The following CACNA1G variants were observed in gnomAD, a reference collection of about 807,000 sequenced individuals.
CACNA1G encodes the protein calcium voltage-gated channel subunit alpha1 G.
A neutral mutation model predicts 219.4 loss-of-function variants in CACNA1G; 67 were observed. That is an observed-to-expected ratio of 0.31 (90% confidence interval 0.25 to 0.37). The LOEUF (loss-of-function observed/expected upper bound fraction) is 0.37, where lower values mean the gene tolerates loss of function less well. Ranked by LOEUF, CACNA1G falls within the 10% of genes least tolerant of loss-of-function variation. The probability of loss-of-function intolerance (pLI) is 1.00; values close to 1 mark genes in which losing one functional copy is unlikely to be tolerated. For synonymous variants in CACNA1G, 1,296 were observed against 1,345.3 expected (o/e 0.96, Z 0.80); for missense variants, 2,380 against 3,231.4 (o/e 0.74, Z 6.39).
intron 36 of CACNA1G, 37 bp from the exon 37 acceptor site, chr17:50,624,323 C>G: frequency 3.6e-6 from 5 of 1,400,530 alleles, no homozygotes; most frequent in Non-Finnish European, 4.9e-6. Flanking sequence ...GCTCCATTCT[C>G]TCCCCCCACC....
At chr17:50,590,643 T>A in intron 10 of CACNA1G, 21 bp downstream of exon 10, 1 of 1,597,494 alleles carries the variant, frequency 6.3e-7, no homozygotes, top group East Asian at 2.3e-5. Flanking sequence ...CCCCCGGCAC[T>A]GACTCTCAGT....
At chr17:50,587,430 C>T (rs75389336) in intron 9 of CACNA1G, among the ~76,000 whole-genome samples, 7,506 of 152,252 alleles carry the variant, frequency 0.049, 263 homozygotes, top group African/African-American at 0.084. Context: ...CCTTTTCAGC[C>T]GTAATTACAG....
In CACNA1G at chr17:50,596,252, C is replaced by T. The variant is rs2045519538; in HGVS notation, c.2980-310C>T. On this transcript the variant is annotated intron_variant, in intron 14 of 37. Coordinates refer to ENST00000359106, the MANE Select transcript of CACNA1G (RefSeq NM_018896.5). This position sits in a 1 kb window ranked among gnomAD's most constrained non-coding sequence, Gnocchi z 4.8. ...CCCAGCCCCCTCTGGCCTGTGCCAC[C>T]TGCCACCTAGCTACCCCTTCTCTCC... Among the ~76,000 whole-genome samples the T allele has an allele frequency of 6.6e-6, 1 of 152,210 alleles. No individual in the cohort carries two copies. The highest frequency in any genetic ancestry group is 1.5e-5 in the Non-Finnish European group (1 of 68,030).
At position 50,615,344 on chromosome 17, in the gene CACNA1G, T is replaced by C; in HGVS notation, c.4760-17T>C. ...AGGGGCCTGACGCTTGCTCTGCTCT[T>C]CCCCCTGCCCCATCAGAAGCCCAGT... On this transcript the variant is annotated splice_polypyrimidine_tract_variant and intron_variant, in intron 26 of 37. Coordinates refer to ENST00000359106, the MANE Select transcript of CACNA1G (RefSeq NM_018896.5). The C allele has an allele frequency of 6.4e-7, 1 of 1,568,758 alleles. No homozygotes were observed. Among genetic ancestry groups the C allele is most frequent in the Non-Finnish European group, 8.7e-7 (1 of 1,149,554 alleles).
At chr17:50,602,759 C>T in intron 19 of CACNA1G, 61 bp from the exon 20 acceptor site, 1 of 1,493,840 alleles carries the variant, frequency 6.7e-7, no homozygotes, top group Non-Finnish European at 9.3e-7. Context: ...GTATGCAGAG[C>T]AGACCTGGCC....
At chr17:50,625,308 G>A (rs967428911) in intron 37 of CACNA1G, among the ~76,000 whole-genome samples, 6 of 152,254 alleles carry the variant, frequency 3.9e-5, no homozygotes, top group Non-Finnish European at 7.3e-5. Context: ...CCTGAGGCAT[G>A]AGCGTGGACA....
chr17:50,599,603 G>A lies in CACNA1G; in HGVS notation c.3434G>A (p.Ser1145Asn). 1 of 1,613,254 alleles carries A rather than the reference G, an allele frequency of 6.2e-7. No individual in the cohort carries two copies. Among genetic ancestry groups the A allele is most frequent in the Non-Finnish European group, 8.5e-7 (1 of 1,179,620 alleles). The change falls in exon 17 of 38, where the codon AGC (serine) becomes AAC (asparagine). Residue 1145 changes from serine (S) to asparagine (N), a missense_variant. By Grantham distance (46) the Ser-to-Asn change is conservative. Coordinates refer to ENST00000359106, the MANE Select transcript of CACNA1G (RefSeq NM_018896.5). ...CAGGAGAGCCAGGATGAAGAGGAGA[G>A]CTCAGAAGAGGAGCGGGCCAGCCCT... ...EGQESQDEEE[S>N]SEEERASPAG...
rs755048222 is a variant in CACNA1G, at chr17:50,599,433, C to A, written c.3264C>A (p.Ser1088Arg). The change falls in exon 17 of 38, where the codon AGC (serine) becomes AGA (arginine). Residue 1088 changes from serine (S) to arginine (R), a missense_variant. Physicochemically the swap from Ser to Arg is moderately radical, Grantham distance 110. Around this residue, in one of 17 missense-constraint regions of CACNA1G, gnomAD observed 418 missense variants for 434.3 expected, o/e 0.96. Transcript: ENST00000359106. ...CCTCCCCTGCTCACCCACAGCCCAG[C>A]GCCCGCAGCTCTCCGCACAGCCCCT... ...GAAHEMKSPPSARSSPHSPWS... is the reference protein window; with the variant it reads ...GAAHEMKSPPRARSSPHSPWS... The A allele has an allele frequency of 6.5e-7, 1 of 1,543,304 alleles. No individual in the cohort carries two copies.
intron 19 of CACNA1G, 54 bp downstream of exon 19, chr17:50,601,228 A>G (rs901056815): frequency 1.7e-5 from 27 of 1,597,286 alleles, no homozygotes; most frequent in Non-Finnish European, 2.2e-5. Context: ...TGCACTCAGG[A>G]CCAGTGAGGG....
intron 1 of CACNA1G, among the ~76,000 whole-genome samples, chr17:50,566,003 C>G (rs973115610): frequency 5.9e-5 from 9 of 152,128 alleles, no homozygotes; most frequent in African/African-American, 2.2e-4. Context: ...CTGCACAGGT[C>G]TCTCATAGTC....
chr17:50,609,328 C>T (rs751748748), intron 25 of CACNA1G, among the ~76,000 whole-genome samples: 14 of 152,104 alleles, frequency 9.2e-5, no homozygotes, highest in Admixed American at 7.9e-4. Context: ...TGGGAGGTGC[C>T]GTTCTCCACG....
chr17:50,587,672 G>C (rs1023863339), intron 9 of CACNA1G, among the ~76,000 whole-genome samples: 9 of 152,262 alleles, frequency 5.9e-5, no homozygotes, highest in African/African-American at 2.2e-4. Flanking sequence ...GGCCGAGGGA[G>C]TGCGCCAGGC....
At chr17:50,565,754 G>A (rs776036542) in intron 1 of CACNA1G, among the ~76,000 whole-genome samples, 6 of 152,134 alleles carry the variant, frequency 3.9e-5, no homozygotes, top group Non-Finnish European at 7.4e-5. Context: ...CTAAGCAAGG[G>A]CTCTATCTAG....
In CACNA1G at chr17:50,567,427, G is replaced by A. The variant is rs56822515; in HGVS notation, c.243-1443G>A. ...AGGGATTCATGGGCTATGGGGGAGGGCATGTGGCTTGGGAGTCAGAACAGA... is the reference window on the plus strand; with the variant it reads ...AGGGATTCATGGGCTATGGGGGAGGACATGTGGCTTGGGAGTCAGAACAGA... On this transcript the variant is annotated intron_variant, in intron 1 of 37. Coordinates refer to ENST00000359106, the MANE Select transcript of CACNA1G (RefSeq NM_018896.5). Among the ~76,000 whole-genome samples, 853 of 152,220 alleles carry A rather than the reference G, an allele frequency of 5.6e-3. 5 individuals are homozygous for A. The highest frequency in any genetic ancestry group is 0.02 in the African/African-American group (815 of 41,520).
intron 12 of CACNA1G, 42 bp downstream of exon 12, chr17:50,591,895 G>A: frequency 6.2e-7 from 1 of 1,613,508 alleles, no homozygotes; most frequent in Non-Finnish European, 8.5e-7. Flanking sequence ...GGGCCGTCAG[G>A]TGCCCCTAGT....
At chr17:50,581,154 G>A (rs2041878264) in intron 9 of CACNA1G, among the ~76,000 whole-genome samples, 1 of 151,796 alleles carries the variant, frequency 6.6e-6, no homozygotes, top group Admixed American at 6.6e-5. Flanking sequence ...GATATGGAGG[G>A]AGAGATGAGC....
At chr17:50,584,968 C>T (rs937762097) in intron 9 of CACNA1G, among the ~76,000 whole-genome samples, 1 of 152,144 alleles carries the variant, frequency 6.6e-6, no homozygotes, top group African/African-American at 2.4e-5. Flanking sequence ...CTCAGCACTT[C>T]CAGAGCCGCA....
At position 50,600,599 on chromosome 17, in the gene CACNA1G, A is replaced by G. The variant is rs2046426139; in HGVS notation, c.3691-127A>G. ...GCTTTAGGAATAAAGGAAGAGAGGCAGGGCAGAGCTTGGGCCCCAGGTGGG... is the reference window on the plus strand; with the variant it reads ...GCTTTAGGAATAAAGGAAGAGAGGCGGGGCAGAGCTTGGGCCCCAGGTGGG... On this transcript the variant is annotated intron_variant, in intron 17 of 37. Coordinates refer to ENST00000359106, the MANE Select transcript of CACNA1G (RefSeq NM_018896.5). The surrounding 1 kb of genome is among the most constrained non-coding windows in gnomAD (Gnocchi z 4.1). 1.4e-6 allele frequency: 1 copy of G among 740,702 alleles called. No individual in the cohort carries two copies. The highest frequency in any genetic ancestry group is 2.3e-6 in the Non-Finnish European group (1 of 425,970). 45.9% of individuals were successfully genotyped at this position (740,702 alleles called of 1,614,324 possible). A position where few individuals can be genotyped will look rare whatever the true frequency, so the allele number is the denominator to read the frequency against.
intron 13 of CACNA1G, among the ~76,000 whole-genome samples, chr17:50,594,055 C>T (rs2044957742): frequency 6.6e-6 from 1 of 152,194 alleles, no homozygotes; most frequent in East Asian, 1.9e-4. Flanking sequence ...CCCACCTTGG[C>T]AGAGGAAGTG....
Sources: gnomAD v4.1 joint callset for allele counts (sites outside exome capture counted in the v4.1 genomes callset) on GRCh38, gnomAD v4.1.1 for gene constraint, gnomAD v4.1.1 regional missense constraint, Gnocchi (gnomAD v3.1) non-coding constraint, MANE v1.5 for transcripts, NCBI Gene and HGNC (gene_info 2026-07-23, HGNC 2026-07-21) for gene names.